Variants in FRMPD1 observed in about 807,000 individuals in gnomAD.
FRMPD1 encodes FERM and PDZ domain containing 1, also known as FERM and PDZ domain-containing protein 1.
A neutral mutation model predicts 117.8 loss-of-function variants in FRMPD1; 76 were observed. The observed-to-expected ratio is 0.65, with a 90% CI of 0.54 to 0.78. The LOEUF (loss-of-function observed/expected upper bound fraction) is 0.78. Ranked by LOEUF, FRMPD1 falls within the 30% of genes least tolerant of loss-of-function variation. The pLI, the probability that FRMPD1 is intolerant of heterozygous loss-of-function variation, is 0.00. For missense variants in FRMPD1, 1,786 were observed against 1,964.5 expected, an observed-to-expected ratio of 0.91 and a Z score of 1.72; for synonymous variants, 783 against 770.4, an observed-to-expected ratio of 1.02 and a Z score of -0.27.
intron 1 of FRMPD1, among the ~76,000 whole-genome samples, chr9:37,653,260 C>T (rs1820736489): frequency 6.6e-6 from 1 of 152,134 alleles, no homozygotes; most frequent in African/African-American, 2.4e-5. Flanking sequence ...ATAACAGTGT[C>T]TAATAGGATG....
intron 1 of FRMPD1, chr9:37,668,408 A>G (rs1821235959): frequency 1.3e-5 from 2 of 152,380 alleles, no homozygotes; most frequent in African/African-American, 2.4e-5. Context: ...TCGATGAGCT[A>G]TGGGAAGGTC....
upstream of FRMPD1, among the ~76,000 whole-genome samples, chr9:37,648,599 G>A (rs1405443291): frequency 6.6e-6 from 1 of 152,202 alleles, no homozygotes; most frequent in African/African-American, 2.4e-5. Context: ...GCGGCAGGAT[G>A]AGGGGGAGGA....
At chr9:37,636,232 G>A in the FRMPD1 span, among the ~76,000 whole-genome samples, 2 of 152,182 alleles carry the variant, frequency 1.3e-5, no homozygotes, top group Admixed American at 1.3e-4. Context: ...CAGGGCCCTG[G>A]ATCCCCTGGT....
intron 14 of FRMPD1, among the ~76,000 whole-genome samples, chr9:37,738,665 T>C (rs945209390): frequency 3.2e-4 from 49 of 152,080 alleles, no homozygotes; most frequent in Admixed American, 2.0e-4. Flanking sequence ...ACACAATGTA[T>C]TTATGAACGA....
intron 14 of FRMPD1, among the ~76,000 whole-genome samples, chr9:37,739,334 G>T (rs1824275821): frequency 6.6e-6 from 1 of 152,170 alleles, no homozygotes; most frequent in Non-Finnish European, 1.5e-5. Context: ...GCTCTTCCCC[G>T]TAAGCAGGGC....
intron 2 of FRMPD1, among the ~76,000 whole-genome samples, chr9:37,706,443 C>T (rs932099961): frequency 6.6e-6 from 1 of 152,116 alleles, no homozygotes; most frequent in Non-Finnish European, 1.5e-5. Context: ...ACCGCAGAGT[C>T]CCAAGACAGC....
At position 37,740,854 on chromosome 9, in the gene FRMPD1, G is replaced by A. The variant is rs1824374255; in HGVS notation, c.2326G>A (p.Asp776Asn). Residue 776 changes from aspartate to asparagine, a missense_variant, in exon 15 of 16, where the codon GAT becomes AAT. Coordinates refer to ENST00000377765, the MANE Select transcript of FRMPD1 (RefSeq NM_014907.3). The surrounding 1 kb of genome is among the most constrained non-coding windows in gnomAD (Gnocchi z 4.2). ...AGATGAGGAATACTATGACGCGGCT[G>A]ATAAGCTCACTCCCCCAGGCCCCCC... ...SSDEEYYDAA[D>N]KLTPPGPPSG... 6.2e-7 allele frequency: 1 copy of A among 1,614,106 alleles called. No individual in the cohort carries two copies.
At chr9:37,723,468 G>A (rs1194785306) in intron 6 of FRMPD1, among the ~76,000 whole-genome samples, 1 of 152,180 alleles carries the variant, frequency 6.6e-6, no homozygotes, top group Non-Finnish European at 1.5e-5. Context: ...AAGAACCCCT[G>A]ACATGGTGAG....
upstream of FRMPD1, among the ~76,000 whole-genome samples, chr9:37,649,904 C>T (rs371747452): frequency 6.6e-6 from 1 of 152,242 alleles, no homozygotes; most frequent in South Asian, 2.1e-4. Context: ...GTGGTCTCAA[C>T]CTGAAAGGCT....
At chr9:37,736,276 C>T (rs1402810011) in intron 13 of FRMPD1, among the ~76,000 whole-genome samples, 2 of 151,892 alleles carry the variant, frequency 1.3e-5, no homozygotes, top group Non-Finnish European at 2.9e-5. Context: ...GCTGGGATTA[C>T]AGGCGTGAGC....
chr9:37,733,856 C>A, intron 12 of FRMPD1, 31 bp downstream of exon 12: 2 of 1,170,332 alleles, frequency 1.7e-6, no homozygotes, highest in African/African-American at 1.5e-5. Flanking sequence ...AAATCCTACT[C>A]ACGTAAGGGA....
chr9:37,635,291 T>G, the FRMPD1 span, among the ~76,000 whole-genome samples: 1 of 152,234 alleles, frequency 6.6e-6, no homozygotes, highest in African/African-American at 2.4e-5. Context: ...TATATACCAT[T>G]AATGTTCAAT....
chr9:37,645,119 G>GAC, the FRMPD1 span, among the ~76,000 whole-genome samples: 4,519 of 150,660 alleles, frequency 0.03, 218 homozygotes, highest in African/African-American at 0.1. Context: ...AAAAAAGAGA[G>GAC]AGAGAGAATT....
chr9:37,653,140 G>A (rs191797521), intron 1 of FRMPD1, among the ~76,000 whole-genome samples: 191 of 152,290 alleles, frequency 1.3e-3, no homozygotes, highest in Non-Finnish European at 2.0e-3. Context: ...CTGAACCTGG[G>A]CTGGAATCCT....
chr9:37,693,850 C>A (rs1003203321), intron 2 of FRMPD1, among the ~76,000 whole-genome samples: 2 of 152,182 alleles, frequency 1.3e-5, no homozygotes, highest in African/African-American at 4.8e-5. Flanking sequence ...TGGCCAGAAC[C>A]CCCCGCAGCT....
intron 2 of FRMPD1, 89 bp from the exon 3 acceptor site, chr9:37,707,327 C>G: frequency 9.3e-7 from 1 of 1,072,912 alleles, no homozygotes; most frequent in Non-Finnish European, 1.4e-6. Flanking sequence ...AGTTCTGCAT[C>G]TTTCTCCATG....
chr9:37,685,646 C>T (rs1328960970), intron 1 of FRMPD1, among the ~76,000 whole-genome samples: 11 of 148,884 alleles, frequency 7.4e-5, no homozygotes, highest in African/African-American at 7.6e-5. Flanking sequence ...AGCGAGACTC[C>T]GTCTCAAAAA....
Position 37,744,320 on chromosome 9 carries a change from C to T in FRMPD1, c.2357-69C>T. 2.4e-6 allele frequency: 3 copies of T among 1,233,564 alleles called. No homozygotes were observed. In the South Asian group the frequency reaches 4.5e-5, roughly 19 times the overall value. 76.4% of individuals were successfully genotyped at this position (1,233,564 alleles called of 1,614,324 possible). ...ATTTAAACCCAGGAAAGCCCAAGGC[C>T]TGAGCCCAAGCTCTATTAACCTCTT... On this transcript the variant is annotated intron_variant, in intron 15 of 15. Coordinates refer to ENST00000377765, the MANE Select transcript of FRMPD1 (RefSeq NM_014907.3).
chr9:37,672,337 G>A (rs1821380577), intron 1 of FRMPD1, among the ~76,000 whole-genome samples: 1 of 152,166 alleles, frequency 6.6e-6, no homozygotes, highest in Non-Finnish European at 1.5e-5. Context: ...CACTAGGTCT[G>A]GAACCTCCTG....
Sources: gnomAD v4.1 joint callset for allele counts (sites outside exome capture counted in the v4.1 genomes callset) on GRCh38, gnomAD v4.1.1 for gene constraint, Gnocchi (gnomAD v3.1) non-coding constraint, MANE v1.5 for transcripts, NCBI Gene and HGNC (gene_info 2026-07-23, HGNC 2026-07-21) for gene names.